Variants in FSTL4 observed in about 807,000 individuals in gnomAD.
FSTL4 encodes the protein follistatin-related protein 4.
In FSTL4, 28 loss-of-function variants were observed where a neutral mutation model predicts 78.2. The ratio of observed to expected loss-of-function variants is 0.36; its 90% CI spans 0.27 to 0.49. FSTL4 has a LOEUF of 0.49. Ranked by LOEUF, FSTL4 falls within the 20% of genes least tolerant of loss-of-function variation. The pLI is 0.98. For synonymous variants in FSTL4, 422 were observed against 440.5 expected (o/e 0.96, Z 0.53); for missense variants, 922 against 1,084.9 (o/e 0.85, Z 2.11).
intron 6 of FSTL4, among the ~76,000 whole-genome samples, chr5:133,289,251 A>G (rs1484095667): frequency 6.6e-6 from 1 of 152,162 alleles, no homozygotes; most frequent in Non-Finnish European, 1.5e-5. Context: ...TACTGAAGGA[A>G]TTATATTCTT....
intron 3 of FSTL4, among the ~76,000 whole-genome samples, chr5:133,514,305 G>A (rs189601690): frequency 2.0e-5 from 3 of 151,920 alleles, no homozygotes; most frequent in East Asian, 1.9e-4. Flanking sequence ...TCAAAGGCTC[G>A]AGAGAAGAGG....
Position 133,221,115 on chromosome 5 carries a change from A to G in FSTL4, c.1340-249T>C, listed in dbSNP as rs971079018. The G allele has an allele frequency of 5.2e-6, 3 of 582,282 alleles. No homozygotes were observed. In the African/African-American group the frequency reaches 5.6e-5, roughly 11 times the overall value. The allele number at this position is 582,282 out of a possible 1,614,324, so 36.1% of individuals were successfully genotyped here. A position where few individuals can be genotyped will look rare whatever the true frequency, so the allele number is the denominator to read the frequency against. Reference sequence around the variant, plus strand: ...TACGTACAGCTGCCCTAAGTCATCTAGAGTTGGCCACAGGTTTTCAGATAA... The same window carrying G: ...TACGTACAGCTGCCCTAAGTCATCTGGAGTTGGCCACAGGTTTTCAGATAA... On this transcript the variant is annotated intron_variant, in intron 11 of 15. Transcript: ENST00000265342.
chr5:133,835,528 C>G, the FSTL4 span, among the ~76,000 whole-genome samples: 2 of 152,192 alleles, frequency 1.3e-5, no homozygotes, highest in African/African-American at 4.8e-5. Flanking sequence ...TTGGATGTAG[C>G]AGTATACTTG....
intron 4 of FSTL4, among the ~76,000 whole-genome samples, chr5:133,376,692 C>T (rs1755443261): frequency 6.6e-6 from 1 of 151,908 alleles, no homozygotes; most frequent in South Asian, 2.1e-4. Context: ...AGTTTGAGAC[C>T]AACCTGACCA....
chr5:133,267,142 T>A (rs930667165), intron 6 of FSTL4, among the ~76,000 whole-genome samples: 12 of 152,166 alleles, frequency 7.9e-5, no homozygotes, highest in Non-Finnish European at 1.8e-4. Flanking sequence ...GGGTGATGAT[T>A]CAACAGGTTC....
chr5:133,461,489 T>C (rs549677820), intron 3 of FSTL4, among the ~76,000 whole-genome samples: 71 of 152,348 alleles, frequency 4.7e-4, no homozygotes, highest in African/African-American at 1.7e-3. Flanking sequence ...TTTGTTGCTG[T>C]AAATCTGTCC....
chr5:133,471,479 T>C (rs1177066737), intron 3 of FSTL4, among the ~76,000 whole-genome samples: 3 of 152,132 alleles, frequency 2.0e-5, no homozygotes, highest in Non-Finnish European at 2.9e-5. Context: ...ATGGATGGGA[T>C]TGGTGCCCTC....
chr5:133,226,362 T>C (rs1751331637), intron 8 of FSTL4, among the ~76,000 whole-genome samples: 1 of 152,136 alleles, frequency 6.6e-6, no homozygotes, highest in Non-Finnish European at 1.5e-5. Flanking sequence ...CCTCCTCAGC[T>C]TGGAGTGACT....
intron 3 of FSTL4, among the ~76,000 whole-genome samples, chr5:133,566,077 T>A (rs1760021191): frequency 6.6e-6 from 1 of 152,182 alleles, no homozygotes; most frequent in Non-Finnish European, 1.5e-5. Flanking sequence ...TCAGAGGACA[T>A]CGAGTCCGAA....
chr5:133,702,204 C>A, the FSTL4 span, among the ~76,000 whole-genome samples: 1 of 152,222 alleles, frequency 6.6e-6, no homozygotes, highest in African/African-American at 2.4e-5. Context: ...ATGCAAATGT[C>A]ATCACACATT....
At chr5:133,233,683 G>T in intron 7 of FSTL4, 146 bp from the exon 8 acceptor site, 1 of 946,290 alleles carries the variant, frequency 1.1e-6, no homozygotes, top group Non-Finnish European at 1.6e-6. Flanking sequence ...TGTCTGCAGG[G>T]GTGAGCCGTC....
chr5:133,311,772 T>C (rs1277853859), intron 6 of FSTL4, among the ~76,000 whole-genome samples: 1 of 152,174 alleles, frequency 6.6e-6, no homozygotes, highest in African/African-American at 2.4e-5. Context: ...GGGCTTGCAC[T>C]TAGGAACTGT....
At chr5:133,313,481 G>A (rs894896100) in intron 5 of FSTL4, among the ~76,000 whole-genome samples, 10 of 152,242 alleles carry the variant, frequency 6.6e-5, no homozygotes, top group East Asian at 5.8e-4. Context: ...TCAGCCACAC[G>A]TCCCAAGGTA....
At chr5:133,596,289 G>A (rs1760736270) in intron 2 of FSTL4, among the ~76,000 whole-genome samples, 1 of 152,206 alleles carries the variant, frequency 6.6e-6, no homozygotes, top group South Asian at 2.1e-4. Context: ...TGAAGCGTGG[G>A]TTGTGCTGGA....
At chr5:133,646,905 G>A in the FSTL4 span, among the ~76,000 whole-genome samples, 14 of 152,060 alleles carry the variant, frequency 9.2e-5, no homozygotes, top group Admixed American at 3.9e-4. Flanking sequence ...CATTTTCGTC[G>A]TTTTAGAGGC....
intron 12 of FSTL4, 110 bp from the exon 13 acceptor site, chr5:133,217,488 A>T: frequency 9.8e-7 from 1 of 1,015,548 alleles, no homozygotes; most frequent in Non-Finnish European, 1.4e-6. Flanking sequence ...TCTCTCTTAG[A>T]ATCCTTTGGA....
chr5:133,293,136 G>T (rs1049386961), intron 6 of FSTL4, among the ~76,000 whole-genome samples: 1 of 152,228 alleles, frequency 6.6e-6, no homozygotes, highest in African/African-American at 2.4e-5. Context: ...GGCACCCCCA[G>T]AGCTAAGAAG....
chr5:133,742,854 C>T, the FSTL4 span, among the ~76,000 whole-genome samples: 7 of 152,036 alleles, frequency 4.6e-5, no homozygotes, highest in Non-Finnish European at 1.0e-4. Context: ...AGAGTGCCTG[C>T]CTGAATGACA....
intron 5 of FSTL4, among the ~76,000 whole-genome samples, chr5:133,313,505 A>C (rs1272594952): frequency 6.6e-6 from 1 of 152,152 alleles, no homozygotes; most frequent in Non-Finnish European, 1.5e-5. Context: ...AAGGGTAGAA[A>C]TTCTAGGCAC....
Sources: allele counts gnomAD v4.1 joint callset (sites outside exome capture counted in the v4.1 genomes callset), GRCh38; gene constraint gnomAD v4.1.1; transcripts MANE v1.5; gene names NCBI Gene and HGNC (gene_info 2026-07-23, HGNC 2026-07-21).